Variants in DOK7 observed in about 807,000 individuals in gnomAD.
DOK7 encodes protein Dok-7.
In DOK7, 32 loss-of-function variants were observed where a neutral mutation model predicts 30.7. The observed-to-expected ratio is 1.04, with a 90% confidence interval of 0.79 to 1.40. DOK7 has a LOEUF of 1.40. Ranked by LOEUF, DOK7 falls within the 40% of genes most tolerant of loss-of-function variation. The probability of loss-of-function intolerance (pLI) is 0.00; values close to 1 mark genes in which losing one functional copy is unlikely to be tolerated. For synonymous variants in DOK7, 447 were observed against 324.1 expected, an observed-to-expected ratio of 1.38 and a Z score of -4.07; for missense variants, 1,007 against 699.2, an observed-to-expected ratio of 1.44 and a Z score of -4.97.
chr4:3,481,891 G>A (rs1424697740), intron 4 of DOK7, among the ~76,000 whole-genome samples: 1 of 152,150 alleles, frequency 6.6e-6, no homozygotes. Flanking sequence ...CTGGAGACGT[G>A]TTTCTCAGGA....
chr4:3,466,406 G>T (rs567485042), intron 2 of DOK7, among the ~76,000 whole-genome samples: 1 of 152,300 alleles, frequency 6.6e-6, no homozygotes, highest in African/African-American at 2.4e-5. Context: ...GCTGTCCTGG[G>T]GCCCTGCCCT....
At position 3,476,247 on chromosome 4, in the gene DOK7, A is replaced by AC; in HGVS notation, c.332-91dup. 35 of 454,356 alleles carry AC rather than the reference A, an allele frequency of 7.7e-5. 1 individual carries two copies. Among genetic ancestry groups the AC allele is most frequent in the South Asian group, 4.7e-4 (13 of 27,534 alleles). The allele number at this position is 454,356 out of a possible 1,614,324, so 28.1% of individuals were successfully genotyped here. The stretch of plus-strand genomic sequence containing the variant: ...CCCCGCCTGCCCGTGATGCCCTCTC[A>AC]CCCCACCCGCCCGTGATGCCCTCTC... On this transcript the variant is annotated intron_variant, in intron 3 of 6. Transcript: ENST00000340083.
intron 5 of DOK7, among the ~76,000 whole-genome samples, chr4:3,488,033 C>G (rs743716): frequency 1.3e-5 from 2 of 152,246 alleles, no homozygotes; most frequent in African/African-American, 2.4e-5. Context: ...CAGGCCGTGT[C>G]GGGAGGGACT....
intron 4 of DOK7, among the ~76,000 whole-genome samples, chr4:3,485,065 G>A (rs908184043): frequency 6.6e-6 from 1 of 152,172 alleles, no homozygotes; most frequent in African/African-American, 2.4e-5. Flanking sequence ...GGGCAGGGTC[G>A]CTGGGACCTT....
chr4:3,494,215 G>A lies in DOK7; in HGVS notation c.*714G>A, dbSNP rs945101231. 19 of 985,394 alleles carry A rather than the reference G, an allele frequency of 1.9e-5. No homozygotes were observed. The highest frequency in any genetic ancestry group is 2.0e-5 in the Non-Finnish European group (17 of 829,972). The allele number at this position is 985,394 out of a possible 1,614,324, so 61.0% of individuals were successfully genotyped here. A position where few individuals can be genotyped will look rare whatever the true frequency, so the allele number is the denominator to read the frequency against. On this transcript the variant is annotated 3_prime_UTR_variant, in exon 7 of 7. Coordinates refer to ENST00000340083, the MANE Select transcript of DOK7 (RefSeq NM_173660.5). Reference sequence around the variant, plus strand: ...GCCTCGGGCCCCTGGTGGGAGCTCTGCTGGCTCCTGTCTGAACCTCCTCGC... The same window carrying A: ...GCCTCGGGCCCCTGGTGGGAGCTCTACTGGCTCCTGTCTGAACCTCCTCGC...
At chr4:3,485,072 C>T (rs973761957) in intron 4 of DOK7, among the ~76,000 whole-genome samples, 2 of 152,118 alleles carry the variant, frequency 1.3e-5, no homozygotes, top group Admixed American at 6.5e-5. Context: ...GTCGCTGGGA[C>T]CTTGGGGCAG....
chr4:3,499,385 C>T (rs746060764), downstream of DOK7, among the ~76,000 whole-genome samples: 79 of 152,274 alleles, frequency 5.2e-4, no homozygotes, highest in Non-Finnish European at 8.8e-4. Flanking sequence ...CGTGGCTGTG[C>T]GTTCCCTCAC....
chr4:3,481,857 G>A (rs1032415781), intron 4 of DOK7, among the ~76,000 whole-genome samples: 30 of 152,184 alleles, frequency 2.0e-4, no homozygotes, highest in African/African-American at 7.2e-4. Flanking sequence ...GGTGAGTCCT[G>A]GAGTTAGTGC....
chr4:3,490,443 T>A (rs115112148), intron 6 of DOK7, among the ~76,000 whole-genome samples: 12 of 49,992 alleles, frequency 2.4e-4, no homozygotes, highest in African/African-American at 8.5e-4. Flanking sequence ...TTCCTTCATT[T>A]CTCTCCTGCT....
In DOK7 at chr4:3,494,176, G is replaced by C; in HGVS notation, c.*675G>C. 1.0e-6 allele frequency: 1 copy of C among 985,572 alleles called. No individual in the cohort carries two copies. Among genetic ancestry groups the C allele is most frequent in the Non-Finnish European group, 1.2e-6 (1 of 830,014 alleles). The allele number at this position is 985,572 out of a possible 1,614,324, so 61.1% of individuals were successfully genotyped here. On this transcript the variant is annotated 3_prime_UTR_variant, in exon 7 of 7. Transcript: ENST00000340083. ...AGCAGCCTCGCCTGCTGACCCCACTGGGAGAGGCGCCGTGCCTCGGGCCCC... is the reference window on the plus strand; with the variant it reads ...AGCAGCCTCGCCTGCTGACCCCACTCGGAGAGGCGCCGTGCCTCGGGCCCC...
Position 3,491,922 on chromosome 4 carries a change from C to T in DOK7, c.773-837C>T, listed in dbSNP as rs150200711. Among the ~76,000 whole-genome samples, 67 of 152,334 alleles carry T rather than the reference C, an allele frequency of 4.4e-4. No individual in the cohort carries two copies. In the East Asian group the frequency reaches 8.3e-3, roughly 19 times the overall value. On this transcript the variant is annotated intron_variant, in intron 6 of 6. Coordinates refer to ENST00000340083, the MANE Select transcript of DOK7 (RefSeq NM_173660.5). Reference sequence around the variant, plus strand: ...GCCAAGTGCAGGAGCCGTGCTGGTCCGGCCAGTGCCCTCTGATCACTGCTT... The same window carrying T: ...GCCAAGTGCAGGAGCCGTGCTGGTCTGGCCAGTGCCCTCTGATCACTGCTT...
intron 2 of DOK7, among the ~76,000 whole-genome samples, chr4:3,468,593 C>T (rs1047609808): frequency 2.9e-5 from 4 of 137,950 alleles, no homozygotes; most frequent in Admixed American, 7.2e-5. Flanking sequence ...TCTGAGTGTG[C>T]GTGTATTGGT....
At chr4:3,466,307 C>A (rs1726258751) in intron 2 of DOK7, among the ~76,000 whole-genome samples, 1 of 151,350 alleles carries the variant, frequency 6.6e-6, no homozygotes, top group Non-Finnish European at 1.5e-5. Flanking sequence ...CTGAGCCCGG[C>A]CTGCAGGAGG....
chr4:3,485,323 C>G, intron 4 of DOK7: 2 of 584,310 alleles, frequency 3.4e-6, no homozygotes, highest in Non-Finnish European at 5.5e-6. Flanking sequence ...GCTCTGGGGA[C>G]CCAGCTTCAC....
At position 3,491,294 on chromosome 4, in the gene DOK7, C is replaced by T. The variant is rs12650950; in HGVS notation, c.773-1465C>T. ...TCATTCATTCCTTCCTCCGCCCCCC[C>T]GCTCATTCATTCCTGCCTTCTCCCC... On this transcript the variant is annotated intron_variant, in intron 6 of 6. Coordinates refer to ENST00000340083, the MANE Select transcript of DOK7 (RefSeq NM_173660.5). 9.4e-3 allele frequency among the ~76,000 whole-genome samples: 564 copies of T among 60,094 alleles called. 5 individuals carry two copies. The highest frequency in any genetic ancestry group is 0.045 in the Admixed American group (238 of 5,292). The allele number at this position is 60,094 out of a possible 152,430, so 39.4% of individuals were successfully genotyped here. A position where few individuals can be genotyped will look rare whatever the true frequency, so the allele number is the denominator to read the frequency against.
chr4:3,489,977 T>A (rs1458906170), intron 6 of DOK7, among the ~76,000 whole-genome samples, 181 bp downstream of exon 6: 1 of 110,806 alleles, frequency 9.0e-6, no homozygotes, highest in African/African-American at 3.8e-5. Flanking sequence ...TCATTCATCC[T>A]TCCTTCCCCA....
At chr4:3,480,777 G>A (rs1299782684) in intron 4 of DOK7, among the ~76,000 whole-genome samples, 1 of 152,248 alleles carries the variant, frequency 6.6e-6, no homozygotes, top group Non-Finnish European at 1.5e-5. Flanking sequence ...AGGCAGCAGG[G>A]AGCGCCTTCA....
intron 6 of DOK7, among the ~76,000 whole-genome samples, chr4:3,490,145 T>TTTCTC (rs1728147732): frequency 2.9e-5 from 3 of 103,270 alleles, no homozygotes; most frequent in African/African-American, 8.7e-5. Context: ...ATTCATTCCT[T>TTTCTC]CCTTCCCCAC....
At chr4:3,498,031 CCA>C (rs1402717380), downstream of DOK7, among the ~76,000 whole-genome samples, 3 of 152,170 alleles carry the variant, frequency 2.0e-5, no homozygotes, top group Non-Finnish European at 2.9e-5. Context: ...TGAATCTTTT[CCA>C]CAGAGGCCGG....
Sources: allele counts gnomAD v4.1 joint callset (sites outside exome capture counted in the v4.1 genomes callset), GRCh38; gene constraint gnomAD v4.1.1; transcripts MANE v1.5; gene names NCBI Gene and HGNC (gene_info 2026-07-23, HGNC 2026-07-21).